The following C1orf167 variants were observed in gnomAD, a reference collection of about 807,000 sequenced individuals.
C1orf167 encodes uncharacterized protein C1orf167.
A neutral mutation model predicts 176.5 loss-of-function variants in C1orf167; 153 were observed. The observed-to-expected ratio is 0.87, with a 90% CI of 0.76 to 0.99. The LOEUF (loss-of-function observed/expected upper bound fraction) is 0.99, where lower values mean the gene tolerates loss of function less well. Ranked by LOEUF, C1orf167 falls within the 50% of genes least tolerant of loss-of-function variation. C1orf167 has a pLI of 0.00. For missense variants in C1orf167, 1,490 were observed against 1,817.7 expected, an observed-to-expected ratio of 0.82 and a Z score of 3.28; for synonymous variants, 594 against 752.7, an observed-to-expected ratio of 0.79 and a Z score of 3.45.
At chr1:11,787,022 C>G (rs895706618) in intron 16 of C1orf167, 1 of 153,236 alleles carries the variant, frequency 6.5e-6, no homozygotes, top group African/African-American at 2.4e-5. Flanking sequence ...CTCCTCTTTT[C>G]TGCCACAGGC....
In C1orf167 at chr1:11,766,177, A is replaced by G. The variant is rs1251550320; in HGVS notation, c.391A>G (p.Ser131Gly). ...QQSNLSINETSSPHLCPEPGG... is the reference protein window; with the variant it reads ...QQSNLSINETGSPHLCPEPGG... ...GAGCAACCTGAGCATCAACGAGACC[A>G]GCAGCCCCCACCTCTGCCCAGAGCC... The change falls in exon 3 of 21, where the codon AGC (serine) becomes GGC (glycine). Residue 131 changes from serine (S) to glycine (G), a missense_variant. By Grantham distance (56) the Ser-to-Gly change is moderately conservative (BLOSUM62 0). Transcript: ENST00000688073. The surrounding 1 kb of genome is among the most constrained non-coding windows in gnomAD (Gnocchi z 4.5). 1 of 1,289,838 alleles carries G rather than the reference A, an allele frequency of 7.8e-7. No individual in the cohort carries two copies. The highest frequency in any genetic ancestry group is 1.0e-6 in the Non-Finnish European group (1 of 988,846). The allele number at this position is 1,289,838 out of a possible 1,614,324, so 79.9% of individuals were successfully genotyped here. A position where few individuals can be genotyped will look rare whatever the true frequency, so the allele number is the denominator to read the frequency against.
Position 11,766,224 on chromosome 1 carries a change from C to A in C1orf167, c.438C>A (p.His146Gln). 1 of 1,289,760 alleles carries A rather than the reference C, an allele frequency of 7.8e-7. No individual in the cohort carries two copies. Among genetic ancestry groups the A allele is most frequent in the Non-Finnish European group, 1.0e-6 (1 of 988,818 alleles). The allele number at this position is 1,289,760 out of a possible 1,614,324, so 79.9% of individuals were successfully genotyped here. A position where few individuals can be genotyped will look rare whatever the true frequency, so the allele number is the denominator to read the frequency against. Reference sequence around the variant, plus strand: ...AGCCTGGGGGAAGCTCTGGGCCCCACAAGCTTCCCTGGGGTCCTCTCCTAT... The same window carrying A: ...AGCCTGGGGGAAGCTCTGGGCCCCAAAAGCTTCCCTGGGGTCCTCTCCTAT... ...CPEPGGSSGP[H>Q]KLPWGPLLSQ... The change falls in exon 3 of 21, where the codon CAC (histidine) becomes CAA (glutamine). Residue 146 changes from histidine to glutamine, a missense_variant. Coordinates refer to ENST00000688073, the MANE Select transcript of C1orf167 (RefSeq NM_001010881.2). This position sits in a 1 kb window ranked among gnomAD's most constrained non-coding sequence, Gnocchi z 4.5.
At position 11,765,915 on chromosome 1, in the gene C1orf167, G is replaced by T. The variant is rs778241151; in HGVS notation, c.129G>T (p.Trp43Cys). The T allele has an allele frequency of 1.6e-6, 2 of 1,228,878 alleles. No homozygotes were observed. Among genetic ancestry groups the T allele is most frequent in the South Asian group, 1.4e-5 (1 of 70,608 alleles). 76.1% of individuals were successfully genotyped at this position (1,228,878 alleles called of 1,614,324 possible). A position where few individuals can be genotyped will look rare whatever the true frequency, so the allele number is the denominator to read the frequency against. ...GIGLSGRHDQ[W>C]VPGCQVERGG... ...GCCTGAGTGGTAGACATGACCAGTG[G>T]GTGCCCGGGTGCCAGGTGGAGAGGG... The change falls in exon 3 of 21, where the codon TGG becomes TGT. Residue 43 changes from tryptophan to cysteine, a missense_variant. Transcript: ENST00000688073.
chr1:11,788,750 G>A lies in C1orf167; in HGVS notation c.4173+4G>A, dbSNP rs1643983261. 1 of 1,303,964 alleles carries A rather than the reference G, an allele frequency of 7.7e-7. No homozygotes were observed. Among genetic ancestry groups the A allele is most frequent in the African/African-American group, 1.5e-5 (1 of 65,856 alleles). 80.8% of individuals were successfully genotyped at this position (1,303,964 alleles called of 1,614,324 possible). A position where few individuals can be genotyped will look rare whatever the true frequency, so the allele number is the denominator to read the frequency against. On this transcript the variant is annotated splice_donor_region_variant and intron_variant, in intron 20 of 20. Coordinates refer to ENST00000688073, the MANE Select transcript of C1orf167 (RefSeq NM_001010881.2). ...AGTTACAGCAGCAGGAAGATGGGTGGGTCCTTTCCCAGGTACTGCCCTCTT... is the reference window on the plus strand; with the variant it reads ...AGTTACAGCAGCAGGAAGATGGGTGAGTCCTTTCCCAGGTACTGCCCTCTT...
intron 14 of C1orf167, among the ~76,000 whole-genome samples, chr1:11,783,246 G>C (rs182616213): frequency 1.4e-3 from 196 of 143,744 alleles, no homozygotes; most frequent in African/African-American, 5.7e-3. Context: ...TGGTTATTTT[G>C]TTTGTTTGTT....
chr1:11,784,849 C>A (rs1482599007), intron 15 of C1orf167, among the ~76,000 whole-genome samples: 1 of 152,254 alleles, frequency 6.6e-6, no homozygotes, highest in Admixed American at 6.5e-5. Flanking sequence ...CAGCCAGCCA[C>A]TCAGCAAGCG....
At position 11,771,656 on chromosome 1, in the gene C1orf167, G is replaced by A; in HGVS notation, c.1810+20G>A. On this transcript the variant is annotated intron_variant, in intron 7 of 20. Transcript: ENST00000688073. The stretch of plus-strand genomic sequence containing the variant: ...TGGCTGGTGAGACGTGGGGTGCTGG[G>A]AAAGCGGGGAGATGGAGCCTGGCCA... 1.6e-6 allele frequency: 2 copies of A among 1,286,306 alleles called. No homozygotes were observed. The highest frequency in any genetic ancestry group is 2.0e-6 in the Non-Finnish European group (2 of 985,744). 79.7% of individuals were successfully genotyped at this position (1,286,306 alleles called of 1,614,324 possible).
rs1348244931 is a variant in C1orf167 at position 11,788,259 on chromosome 1, C to T, written c.3959C>T (p.Ala1320Val). Residue 1320 changes from alanine to valine, a missense_variant, in exon 19 of 21, where the codon GCG becomes GTG. Coordinates refer to ENST00000688073, the MANE Select transcript of C1orf167 (RefSeq NM_001010881.2). ...ALGHQEEVPAAPVPRGTASRA... is the reference protein window; with the variant it reads ...ALGHQEEVPAVPVPRGTASRA... ...GGCCATCAGGAGGAAGTACCTGCAG[C>T]GCCGGTGCCTCGAGGCACTGCTTCA... 3.1e-6 allele frequency: 4 copies of T among 1,303,712 alleles called. No individual in the cohort carries two copies. Among genetic ancestry groups the T allele is most frequent in the African/African-American group, 1.5e-5 (1 of 65,844 alleles). The allele number at this position is 1,303,712 out of a possible 1,614,324, so 80.8% of individuals were successfully genotyped here.
intron 19 of C1orf167, 23 bp downstream of exon 19, chr1:11,788,401 A>G (rs1224314008): frequency 7.8e-7 from 1 of 1,276,570 alleles, no homozygotes; most frequent in East Asian, 5.7e-5. Context: ...ACCCCTCTCC[A>G]CACTGACCAT....
chr1:11,772,052 CTT>C (rs1427810606), intron 7 of C1orf167, 28 bp from the exon 8 acceptor site: 3 of 1,284,420 alleles, frequency 2.3e-6, no homozygotes, highest in Admixed American at 2.4e-5. Flanking sequence ...CTTACTCTCT[CTT>C]TTCTCTCCCT....
chr1:11,786,987 C>CA (rs1643890169), intron 16 of C1orf167: 1 of 152,826 alleles, frequency 6.5e-6, no homozygotes, highest in African/African-American at 2.4e-5. Context: ...CTGGGAATGG[C>CA]ACCCAGGGTG....
chr1:11,772,187 G>C lies in C1orf167; in HGVS notation c.1916G>C (p.Trp639Ser). Reference protein sequence around the residue: ...TQRTGSFPQAWHSTAAGVAWV... With the variant: ...TQRTGSFPQASHSTAAGVAWV... Reference sequence around the variant, plus strand: ...AGGACAGGGAGCTTCCCCCAGGCCTGGCACTCTACTGCTGCAGGTGTAGCC... The same window carrying C: ...AGGACAGGGAGCTTCCCCCAGGCCTCGCACTCTACTGCTGCAGGTGTAGCC... The change falls in exon 8 of 21, where the codon TGG (tryptophan) becomes TCG (serine). Residue 639 changes from tryptophan to serine, a missense_variant. Transcript: ENST00000688073. The C allele has an allele frequency of 7.7e-7, 1 of 1,304,310 alleles. No homozygotes were observed. The highest frequency in any genetic ancestry group is 1.0e-6 in the Non-Finnish European group (1 of 988,960). The allele number at this position is 1,304,310 out of a possible 1,614,324, so 80.8% of individuals were successfully genotyped here.
intron 17 of C1orf167, 29 bp downstream of exon 17, chr1:11,787,522 C>A (rs886045177): frequency 2.7e-5 from 34 of 1,275,700 alleles, no homozygotes; most frequent in Non-Finnish European, 3.3e-5. Flanking sequence ...GGGGGACAAA[C>A]GGTGTCTGAA....
rs544976831 is a variant in C1orf167, at chr1:11,765,991, T to C, written c.205T>C (p.Cys69Arg). 4.7e-6 allele frequency: 6 copies of C among 1,289,032 alleles called. No homozygotes were observed. In the African/African-American group the frequency reaches 9.1e-5, roughly 20 times the overall value. The allele number at this position is 1,289,032 out of a possible 1,614,324, so 79.8% of individuals were successfully genotyped here. ...SPGAVLDQEPCRVQTNLASPG... is the reference protein window; with the variant it reads ...SPGAVLDQEPRRVQTNLASPG... Reference sequence around the variant, plus strand: ...AGGGGCAGTGCTAGACCAGGAGCCCTGCCGAGTCCAGACCAACCTGGCCAG... The same window carrying C: ...AGGGGCAGTGCTAGACCAGGAGCCCCGCCGAGTCCAGACCAACCTGGCCAG... The change falls in exon 3 of 21, where the codon TGC becomes CGC. Residue 69 changes from cysteine (C) to arginine (R), a missense_variant. By Grantham distance (180) the Cys-to-Arg change is radical (BLOSUM62 -3). Coordinates refer to ENST00000688073, the MANE Select transcript of C1orf167 (RefSeq NM_001010881.2).
At chr1:11,777,097 C>G (rs1479865689) in intron 10 of C1orf167, 3 of 152,986 alleles carry the variant, frequency 2.0e-5, no homozygotes, top group Non-Finnish European at 4.4e-5. Context: ...AAGCTTTTAT[C>G]TCCTCTCCCA....
rs1570394508 is a variant in C1orf167, at chr1:11,772,068, C to G, written c.1811-14C>G. On this transcript the variant is annotated splice_polypyrimidine_tract_variant and intron_variant, in intron 7 of 20. Coordinates refer to ENST00000688073, the MANE Select transcript of C1orf167 (RefSeq NM_001010881.2). ...TTACTCTCTCTTTTCTCTCCCTCCT[C>G]CCTCTCTCCTTAGTGTTCTTCCTGT... 1.5e-6 allele frequency: 2 copies of G among 1,296,424 alleles called. No individual in the cohort carries two copies. The highest frequency in any genetic ancestry group is 2.0e-6 in the Non-Finnish European group (2 of 984,116). 80.3% of individuals were successfully genotyped at this position (1,296,424 alleles called of 1,614,324 possible).
At chr1:11,765,827 C>T in intron 2 of C1orf167, 30 bp from the exon 3 acceptor site, 1 of 1,182,750 alleles carries the variant, frequency 8.5e-7, no homozygotes, top group South Asian at 1.6e-5. Flanking sequence ...TGCCAGCCAC[C>T]CAAGTCATGA....
chr1:11,789,440 G>A lies in C1orf167; in HGVS notation c.4344G>A (p.Gln1448=). The A allele has an allele frequency of 7.7e-7, 1 of 1,303,666 alleles. No individual in the cohort carries two copies. Among genetic ancestry groups the A allele is most frequent in the Non-Finnish European group, 1.0e-6 (1 of 988,784 alleles). 80.8% of individuals were successfully genotyped at this position (1,303,666 alleles called of 1,614,324 possible). The part of the protein sequence containing the change: ...GLGAEHGAQL[Q]L ...GGGCAGAGCATGGGGCCCAGCTGCA[G>A]CTGTGACTTGTTCTCATAGAATAAA... is the stretch of plus-strand genomic sequence containing the variant. Residue 1448 remains glutamine (Q), a synonymous_variant, in exon 21 of 21, where the codon CAG becomes CAA. Transcript: ENST00000688073.
Position 11,775,561 on chromosome 1 carries a change from A to G in C1orf167, c.2115A>G (p.Glu705=). 1.5e-6 allele frequency: 2 copies of G among 1,304,242 alleles called. No homozygotes were observed. Among genetic ancestry groups the G allele is most frequent in the Non-Finnish European group, 2.0e-6 (2 of 988,930 alleles). 80.8% of individuals were successfully genotyped at this position (1,304,242 alleles called of 1,614,324 possible). A position where few individuals can be genotyped will look rare whatever the true frequency, so the allele number is the denominator to read the frequency against. The part of the protein sequence containing the change: ...EQWVRMKQLR[E]SDGAKVTQLS... ...GGGTGCGGATGAAGCAGCTCCGGGA[A>G]TCAGATGGGGCAAAGGTGACCCAGC... The change falls in exon 9 of 21, where the codon GAA becomes GAG. Residue 705 remains glutamate (E), a synonymous_variant. Transcript: ENST00000688073.
Sources: gnomAD v4.1 joint callset for allele counts (sites outside exome capture counted in the v4.1 genomes callset) on GRCh38, gnomAD v4.1.1 for gene constraint, Gnocchi (gnomAD v3.1) non-coding constraint, MANE v1.5 for transcripts, NCBI Gene and HGNC (gene_info 2026-07-23, HGNC 2026-07-21) for gene names.